The following CNIH3 variants were observed in gnomAD, a reference collection of about 807,000 sequenced individuals.
The protein encoded by CNIH3 is cornichon family AMPA receptor auxiliary protein 3, also known as protein cornichon homolog 3.
CNIH3 carries 14 observed loss-of-function variants against 24.1 expected under a neutral mutation model. That is an observed-to-expected ratio of 0.58 (90% CI 0.38 to 0.91). CNIH3 has a LOEUF of 0.91. Ranked by LOEUF, CNIH3 falls within the 40% of genes least tolerant of loss-of-function variation. The pLI is 0.00. For synonymous variants in CNIH3, 68 were observed against 73.8 expected, an observed-to-expected ratio of 0.92 and a Z score of 0.40; for missense variants, 178 against 196.8, an observed-to-expected ratio of 0.90 and a Z score of 0.57.
At chr1:224,614,132 GA>G (rs1682830230), upstream of CNIH3, among the ~76,000 whole-genome samples, 1 of 152,074 alleles carries the variant, frequency 6.6e-6, no homozygotes, top group East Asian at 1.9e-4. Context: ...TGCCCACCTC[GA>G]CCTCCCCAAG....
At chr1:224,535,311 G>A (rs774499850) in intron 2 of CNIH3, among the ~76,000 whole-genome samples, 5 of 152,164 alleles carry the variant, frequency 3.3e-5, no homozygotes, top group Non-Finnish European at 7.3e-5. Flanking sequence ...GCAAACACCA[G>A]GAGCTAGAAG....
At chr1:224,638,343 T>G (rs1028959067) in intron 1 of CNIH3, among the ~76,000 whole-genome samples, 16 of 152,264 alleles carry the variant, frequency 1.1e-4, no homozygotes, top group African/African-American at 3.9e-4. Context: ...GCCCAGCGCC[T>G]GCCTCCAGCA....
At chr1:224,508,687 T>C (rs1037041878) in intron 1 of CNIH3, among the ~76,000 whole-genome samples, 1 of 152,232 alleles carries the variant, frequency 6.6e-6, no homozygotes, top group African/African-American at 2.4e-5. Context: ...GTATCAAATA[T>C]ATCTTTAATT....
exon 1 of CNIH3, chr1:224,434,803 C>A: frequency 1.0e-6 from 1 of 986,282 alleles, no homozygotes; most frequent in Non-Finnish European, 1.2e-6. Flanking sequence ...CTAATGGAGT[C>A]CAGGCGCTCG....
At chr1:224,627,993 G>T (rs796702037) in intron 1 of CNIH3, among the ~76,000 whole-genome samples, 13 of 151,576 alleles carry the variant, frequency 8.6e-5, no homozygotes, top group African/African-American at 3.1e-4. Context: ...GAGGGCAGGG[G>T]CTGTCTCTTT....
chr1:224,438,364 C>G (rs1674758436), intron 1 of CNIH3, among the ~76,000 whole-genome samples: 1 of 152,036 alleles, frequency 6.6e-6, no homozygotes, highest in South Asian at 2.1e-4. Context: ...GACCCCAAGA[C>G]AATATCTTAA....
intron 1 of CNIH3, chr1:224,454,257 GTTTTT>G (rs11374306): frequency 2.7e-6 from 2 of 750,666 alleles, no homozygotes; most frequent in Non-Finnish European, 3.2e-6. Context: ...CTACTAGTAA[GTTTTT>G]TTTTTTTTTT....
At chr1:224,706,940 C>T (rs1316900084) in intron 3 of CNIH3, among the ~76,000 whole-genome samples, 1 of 150,176 alleles carries the variant, frequency 6.7e-6, no homozygotes, top group African/African-American at 2.4e-5. Context: ...AATTGGCTGC[C>T]TCTCCTTTCC....
At chr1:224,570,788 A>G (rs560004381) in intron 4 of CNIH3, among the ~76,000 whole-genome samples, 1 of 152,078 alleles carries the variant, frequency 6.6e-6, no homozygotes, top group Non-Finnish European at 1.5e-5. Flanking sequence ...TTATAATCAC[A>G]TTGCCTATAT....
chr1:224,593,633 T>A lies in CNIH3; in HGVS notation n.402+27369T>A, dbSNP rs555539169. Among the ~76,000 whole-genome samples, 5 of 152,338 alleles carry A rather than the reference T, an allele frequency of 3.3e-5. No individual in the cohort carries two copies. In the South Asian group the frequency reaches 1.0e-3, roughly 32 times the overall value. On this transcript the variant is annotated intron_variant and non_coding_transcript_variant, in intron 3 of 7. Coordinates refer to the CNIH3 transcript ENST00000478120. ...TACCTGATCTGATCACTGTACATTATATGTATCAAAACATCATATGGACCC... is the reference window on the plus strand; with the variant it reads ...TACCTGATCTGATCACTGTACATTAAATGTATCAAAACATCATATGGACCC...
chr1:224,575,157 A>G lies in CNIH3; in HGVS notation n.517-8007A>G, dbSNP rs1183938469. The G allele has an allele frequency of 4.0e-6, 4 of 1,009,532 alleles. No individual in the cohort carries two copies. In the African/African-American group the frequency reaches 6.3e-5, roughly 16 times the overall value. The allele number at this position is 1,009,532 out of a possible 1,614,324, so 62.5% of individuals were successfully genotyped here. On this transcript the variant is annotated intron_variant and non_coding_transcript_variant, in intron 4 of 5. Transcript: ENST00000471578. ...TCCCAGGATCAAGGCGATCACAGCC[A>G]AACACAATAAAACTACAGCCCAGGT... is the stretch of plus-strand genomic sequence containing the variant.
chr1:224,514,886 C>A (rs1266867536), upstream of CNIH3, among the ~76,000 whole-genome samples: 2 of 152,166 alleles, frequency 1.3e-5, no homozygotes, highest in Admixed American at 1.3e-4. Flanking sequence ...TTCTCTGCCT[C>A]CCATACTACC....
chr1:224,609,040 C>A (rs972911493), intron 3 of CNIH3, among the ~76,000 whole-genome samples: 1 of 152,264 alleles, frequency 6.6e-6, no homozygotes, highest in South Asian at 2.1e-4. Context: ...GGGCCACAAC[C>A]AATTATTATT....
At chr1:224,652,434 T>C (rs971661047) in intron 1 of CNIH3, among the ~76,000 whole-genome samples, 4 of 151,996 alleles carry the variant, frequency 2.6e-5, no homozygotes, top group African/African-American at 7.3e-5. Flanking sequence ...TATTGAAAGT[T>C]TGGTTGGCAG....
upstream of CNIH3, chr1:224,615,764 G>A (rs1417957126): frequency 6.6e-6 from 1 of 152,254 alleles, no homozygotes; most frequent in Non-Finnish European, 1.5e-5. Flanking sequence ...TGCAACGGAA[G>A]GACGTTAATG....
intron 2 of CNIH3, among the ~76,000 whole-genome samples, chr1:224,545,943 G>C (rs1023381195): frequency 1.3e-5 from 2 of 152,064 alleles, no homozygotes; most frequent in Non-Finnish European, 2.9e-5. Flanking sequence ...TTTCTCCCGA[G>C]GCCCCTCTCC....
chr1:224,565,861 G>A (rs1450711465), intron 3 of CNIH3: 1 of 152,036 alleles, frequency 6.6e-6, no homozygotes, highest in African/African-American at 2.4e-5. Flanking sequence ...CACAGAGCTT[G>A]GTGCACACTG....
At position 224,686,758 on chromosome 1, in the gene CNIH3, G is replaced by A. The variant is rs762731592; in HGVS notation, c.198+1915G>A. ...TTTATGCTGCTTGACCAGTGACTCC[G>A]GCCAGGCAGCAGGCAATGGCCAAGG... On this transcript the variant is annotated intron_variant, in intron 3 of 5. Transcript: ENST00000272133. Among the ~76,000 whole-genome samples the A allele has an allele frequency of 2.6e-5, 4 of 152,158 alleles. No homozygotes were observed. In the East Asian group the frequency reaches 5.8e-4, roughly 22 times the overall value.
At chr1:224,541,061 G>GA (rs1208314978), downstream of CNIH3, among the ~76,000 whole-genome samples, 5 of 152,092 alleles carry the variant, frequency 3.3e-5, no homozygotes, top group Admixed American at 3.3e-4. Flanking sequence ...GTATTTACAA[G>GA]AAAAAATTAA....
Sources: gnomAD v4.1 joint callset for allele counts (sites outside exome capture counted in the v4.1 genomes callset) on GRCh38, gnomAD v4.1.1 for gene constraint, MANE v1.5 for transcripts, NCBI Gene and HGNC (gene_info 2026-07-23, HGNC 2026-07-21) for gene names.